The following ALPK1 variants were observed in gnomAD, a reference collection of about 807,000 sequenced individuals.
The protein encoded by ALPK1 is alpha-protein kinase 1.
In ALPK1, 110 loss-of-function variants were observed where a neutral mutation model predicts 120.6. The observed-to-expected ratio is 0.91, with a 90% CI of 0.78 to 1.07. The LOEUF (loss-of-function observed/expected upper bound fraction) is 1.07, where lower values mean the gene tolerates loss of function less well. Among genes scored for constraint, ALPK1 ranks in the 50% least tolerant of loss-of-function variants. ALPK1 has a pLI of 0.00. For missense variants in ALPK1, 1,498 were observed against 1,483.9 expected (o/e 1.01, Z -0.16); for synonymous variants, 582 against 560.3 (o/e 1.04, Z -0.55).
In ALPK1 at chr4:112,340,866, G is replaced by A. The variant is rs533946528; in HGVS notation, c.-101+25014G>A. Among the ~76,000 whole-genome samples, 23 of 152,336 alleles carry A rather than the reference G, an allele frequency of 1.5e-4. No homozygotes were observed. The South Asian group carries it at 4.3e-3, about 29-fold the overall frequency. ...CATTTTAGTATTAGAATTTCAGAAC[G>A]CATTTGGTATTAGGAAAGTGAATTC... On this transcript the variant is annotated intron_variant, in intron 2 of 15. Transcript: ENST00000650871.
At chr4:112,357,604 T>C (rs1560651592) in intron 2 of ALPK1, 1 of 1,600,686 alleles carries the variant, frequency 6.2e-7, no homozygotes, top group Non-Finnish European at 8.6e-7. Context: ...GCAGATCCCT[T>C]TCCCAGTCTG....
intron 2 of ALPK1, chr4:112,358,310 A>G (rs10002070): frequency 0.84 from 497,595 of 594,544 alleles, 208,595 homozygotes; most frequent in East Asian, 0.89. Context: ...CGGCCATGTC[A>G]TCCAAGACGT....
chr4:112,343,237 T>C (rs1431950976), intron 2 of ALPK1: 2 of 152,256 alleles, frequency 1.3e-5, no homozygotes, highest in African/African-American at 2.4e-5. Flanking sequence ...CACCACTTCA[T>C]TCAAGATATC....
Position 112,430,825 on chromosome 4 carries a change from T to G in ALPK1, c.1278T>G (p.Asn426Lys). ...ATTTACAAGTTCAAAGCTTCTCAAA[T>G]GTAGATGACAGATCTTATGTTCCCG... is the stretch of plus-strand genomic sequence containing the variant. ...KEHLQVQSFS[N>K]VDDRSYVPES... Residue 426 changes from asparagine to lysine, a missense_variant, in exon 11 of 16, where the codon AAT becomes AAG. Transcript: ENST00000650871. 1 of 1,614,224 alleles carries G rather than the reference T, an allele frequency of 6.2e-7. No individual in the cohort carries two copies. The highest frequency in any genetic ancestry group is 8.5e-7 in the Non-Finnish European group (1 of 1,180,034).
intron 4 of ALPK1, among the ~76,000 whole-genome samples, chr4:112,402,888 T>G (rs1448199444): frequency 1.3e-5 from 2 of 152,134 alleles, no homozygotes; most frequent in Non-Finnish European, 2.9e-5. Context: ...AAGATCATAT[T>G]TTTGAGTCCT....
At chr4:112,354,212 C>T (rs969708534) in intron 2 of ALPK1, among the ~76,000 whole-genome samples, 1 of 151,498 alleles carries the variant, frequency 6.6e-6, no homozygotes, top group African/African-American at 2.4e-5. Context: ...TCCTTAATTA[C>T]AATATTTTCC....
At chr4:112,311,687 C>T (rs1728406535) in intron 1 of ALPK1, among the ~76,000 whole-genome samples, 1 of 152,192 alleles carries the variant, frequency 6.6e-6, no homozygotes, top group African/African-American at 2.4e-5. Flanking sequence ...TCTAGCCTTA[C>T]CCCACTCCCT....
intron 4 of ALPK1, among the ~76,000 whole-genome samples, chr4:112,388,218 T>A (rs1732238275): frequency 6.6e-6 from 1 of 152,178 alleles, no homozygotes; most frequent in African/African-American, 2.4e-5. Context: ...ACTTAAGATG[T>A]TAGAGGGGTG....
At chr4:112,409,088 C>G (rs971740606) in intron 4 of ALPK1, among the ~76,000 whole-genome samples, 1 of 152,150 alleles carries the variant, frequency 6.6e-6, no homozygotes, top group Non-Finnish European at 1.5e-5. Context: ...TATCCTTCAA[C>G]AACAGGCAAA....
intron 2 of ALPK1, among the ~76,000 whole-genome samples, chr4:112,337,716 A>C (rs1012383179): frequency 2.6e-5 from 4 of 152,106 alleles, no homozygotes; most frequent in African/African-American, 9.7e-5. Flanking sequence ...AAAGAAAAGG[A>C]AAGGAAAGGA....
rs1560687131 is a variant in ALPK1 at position 112,431,770 on chromosome 4, A to G, written c.2223A>G (p.Glu741=). ...GCACACATCCTTCAGTCCAAAAAGA[A>G]GAAGCCTTTGAAATAATTGTTGAGT... ...NMGTHPSVQK[E]EAFEIIVEFP... Residue 741 remains glutamate (E), a synonymous_variant, in exon 11 of 16, where the codon GAA becomes GAG. Transcript: ENST00000650871. The G allele has an allele frequency of 1.2e-6, 2 of 1,614,230 alleles. No homozygotes were observed. The highest frequency in any genetic ancestry group is 1.1e-5 in the South Asian group (1 of 91,084).
chr4:112,424,266 T>C (rs1244875667), intron 6 of ALPK1, among the ~76,000 whole-genome samples: 3 of 151,766 alleles, frequency 2.0e-5, no homozygotes, highest in African/African-American at 7.3e-5. Flanking sequence ...TGCTATCTAA[T>C]GAACAATCAC....
chr4:112,320,982 C>T (rs1027550890), intron 2 of ALPK1, among the ~76,000 whole-genome samples: 2 of 149,668 alleles, frequency 1.3e-5, no homozygotes, highest in Non-Finnish European at 3.0e-5. Flanking sequence ...CTGCAAGCTC[C>T]GCCTCCCAGG....
chr4:112,387,329 G>A (rs1056002811), intron 4 of ALPK1, among the ~76,000 whole-genome samples: 3 of 152,166 alleles, frequency 2.0e-5, no homozygotes, highest in African/African-American at 7.2e-5. Flanking sequence ...GGAGCAGATT[G>A]GGCTGCAAGG....
rs1265434014 is a variant in ALPK1, at chr4:112,411,946, AGGT to A, written c.397_399del (p.Gly133del). 1 of 1,614,146 alleles carries A rather than the reference AGGT, an allele frequency of 6.2e-7. No homozygotes were observed. The highest frequency in any genetic ancestry group is 8.5e-7 in the Non-Finnish European group (1 of 1,180,024). On this transcript the variant is annotated inframe_deletion, in exon 5 of 16. Transcript: ENST00000650871. ...CTGGAAAACTTCTGCAGGTCGCCAA[AGGT>A]CTCCACAAGTTGCAGCCAGCCACGC... is the stretch of plus-strand genomic sequence containing the variant.
chr4:112,384,817 G>C (rs1472553816), intron 4 of ALPK1: 1 of 151,808 alleles, frequency 6.6e-6, no homozygotes, highest in Non-Finnish European at 1.5e-5. Context: ...CAGTGAGAAG[G>C]CTGTAGGAGA....
At chr4:112,422,207 C>T (rs1734030159) in intron 5 of ALPK1, among the ~76,000 whole-genome samples, 1 of 152,154 alleles carries the variant, frequency 6.6e-6, no homozygotes, top group Non-Finnish European at 1.5e-5. Context: ...ATTGTTTATT[C>T]CTGGAATTTT....
chr4:112,441,152 T>G (rs1284756934), intron 15 of ALPK1, 47 bp downstream of exon 15: 8 of 1,613,904 alleles, frequency 5.0e-6, no homozygotes, highest in Non-Finnish European at 6.8e-6. Flanking sequence ...ACCTTAGTGA[T>G]GCTCTCAAAT....
At chr4:112,339,651 G>C (rs777546527) in intron 2 of ALPK1, among the ~76,000 whole-genome samples, 1 of 151,988 alleles carries the variant, frequency 6.6e-6, no homozygotes, top group South Asian at 2.1e-4. Flanking sequence ...ATAATTTTTA[G>C]TTTGCCATAC....
Sources: allele counts gnomAD v4.1 joint callset (sites outside exome capture counted in the v4.1 genomes callset), GRCh38; gene constraint gnomAD v4.1.1; transcripts MANE v1.5; gene names NCBI Gene and HGNC (gene_info 2026-07-23, HGNC 2026-07-21).